The following NR3C2 variants were observed in gnomAD, a reference collection of about 807,000 sequenced individuals.
The protein encoded by NR3C2 is mineralocorticoid receptor.
A neutral mutation model predicts 86.4 loss-of-function variants in NR3C2; 15 were observed. The ratio of observed to expected loss-of-function variants is 0.17; its 90% CI spans 0.12 to 0.27. The LOEUF is 0.27. NR3C2 is among the 10% of genes least tolerant of loss of function. The pLI is 1.00. For missense variants in NR3C2, 960 were observed against 1,195.6 expected (o/e 0.80, Z 2.91); for synonymous variants, 458 against 450.5 (o/e 1.02, Z -0.21).
At chr4:148,246,492 A>C (rs1739319613) in intron 3 of NR3C2, among the ~76,000 whole-genome samples, 1 of 152,196 alleles carries the variant, frequency 6.6e-6, no homozygotes, top group Admixed American at 6.5e-5. Context: ...TCCAGTTAGC[A>C]ACTGAGGATC....
At chr4:148,135,442 T>C (rs79727402) in intron 6 of NR3C2, among the ~76,000 whole-genome samples, 13 of 152,270 alleles carry the variant, frequency 8.5e-5, no homozygotes, top group Non-Finnish European at 1.8e-4. Flanking sequence ...TGGAAGGAGA[T>C]GGCAGCCCTT....
chr4:148,380,038 G>T (rs1217904151), intron 2 of NR3C2, among the ~76,000 whole-genome samples: 1 of 152,130 alleles, frequency 6.6e-6, no homozygotes, highest in African/African-American at 2.4e-5. Context: ...AAATATAATG[G>T]CTGTAGTATT....
chr4:148,296,258 G>C (rs188542675), intron 2 of NR3C2, among the ~76,000 whole-genome samples: 6 of 151,462 alleles, frequency 4.0e-5, no homozygotes, highest in African/African-American at 1.5e-4. Flanking sequence ...TTACTTATCT[G>C]TGCTCCAGCA....
chr4:148,258,249 T>A (rs1739922798), intron 3 of NR3C2, among the ~76,000 whole-genome samples: 1 of 152,170 alleles, frequency 6.6e-6, no homozygotes, highest in Admixed American at 6.5e-5. Context: ...AAAGAGGAAT[T>A]CTTACATTGG....
intron 2 of NR3C2, among the ~76,000 whole-genome samples, chr4:148,417,329 C>T (rs145685626): frequency 3.2e-4 from 49 of 152,214 alleles, no homozygotes; most frequent in East Asian, 2.5e-3. Flanking sequence ...TTCCTTCTAC[C>T]GCTCTCTTCT....
upstream of NR3C2, chr4:148,444,755 GA>G: frequency 1.0e-6 from 1 of 985,064 alleles, no homozygotes. Context: ...CGCAGAGGGG[GA>G]CGCGGGCACC....
intron 6 of NR3C2, among the ~76,000 whole-genome samples, chr4:148,132,752 T>C (rs1733094690): frequency 6.6e-6 from 1 of 152,198 alleles, no homozygotes; most frequent in South Asian, 2.1e-4. Context: ...AGGATTTGAA[T>C]CCAGGCTGTC....
At position 148,083,857 on chromosome 4, in the gene NR3C2, C is replaced by G. The variant is rs1288580665; in HGVS notation, c.2800-2358G>C. Among the ~76,000 whole-genome samples the G allele has an allele frequency of 2.6e-5, 4 of 151,990 alleles. No individual in the cohort carries two copies. The East Asian group carries it at 7.7e-4, about 29-fold the overall frequency. ...CCTGATGGAGCTGAAAAACACAGCACAAGAACTTCGTGAAGCATACACAAT... is the reference window on the plus strand; with the variant it reads ...CCTGATGGAGCTGAAAAACACAGCAGAAGAACTTCGTGAAGCATACACAAT... On this transcript the variant is annotated intron_variant, in intron 8 of 8. Coordinates refer to ENST00000358102, the MANE Select transcript of NR3C2 (RefSeq NM_000901.5).
chr4:148,385,781 T>C (rs1014609107), intron 2 of NR3C2, among the ~76,000 whole-genome samples: 5 of 152,128 alleles, frequency 3.3e-5, no homozygotes, highest in Non-Finnish European at 7.4e-5. Context: ...CCTATGCTGC[T>C]CTCAGCCCCT....
intron 8 of NR3C2, among the ~76,000 whole-genome samples, chr4:148,102,954 CT>C (rs1315167207): frequency 6.6e-6 from 1 of 152,186 alleles, no homozygotes; most frequent in African/African-American, 2.4e-5. Context: ...CAACAGCTTC[CT>C]AGACCTGGCT....
intron 4 of NR3C2, among the ~76,000 whole-genome samples, chr4:148,182,013 GAAA>G (rs531333397): frequency 8.7e-4 from 132 of 152,068 alleles, no homozygotes; most frequent in Middle Eastern, 3.4e-3. Context: ...AATCAGATAG[GAAA>G]AAAATATTCT....
At chr4:148,275,913 T>C (rs1369257339) in intron 2 of NR3C2, among the ~76,000 whole-genome samples, 2 of 152,144 alleles carry the variant, frequency 1.3e-5, no homozygotes, top group Non-Finnish European at 2.9e-5. Flanking sequence ...ACTTAGGGTT[T>C]TTTTTAAAAC....
chr4:148,436,176 T>A lies in NR3C2; in HGVS notation c.685A>T (p.Ile229Phe). 1 of 1,614,166 alleles carries A rather than the reference T, an allele frequency of 6.2e-7. No homozygotes were observed. The change falls in exon 2 of 9, where the codon ATC becomes TTC. Residue 229 changes from isoleucine (I) to phenylalanine (F), a missense_variant. Physicochemically the swap from Ile to Phe is conservative, Grantham distance 21. Transcript: ENST00000358102. ...SFGSFPVHSP[I>F]TQGTPLTCSP... is the part of the protein sequence containing the mutation. ...CATGTCAGAGGAGTTCCCTGGGTGA[T>A]TGGGCTGTGCACTGGAAAACTGCCA...
chr4:148,113,044 T>A (rs1326989304), intron 8 of NR3C2, among the ~76,000 whole-genome samples: 1 of 152,224 alleles, frequency 6.6e-6, no homozygotes, highest in Non-Finnish European at 1.5e-5. Context: ...TGAGCCGGAA[T>A]TGGAGAAGCT....
chr4:148,081,884 G>A lies in NR3C2; in HGVS notation c.2800-385C>T, dbSNP rs75370451. The stretch of plus-strand genomic sequence containing the variant: ...AGGGGCCTTCCCAGGGTGTAAGGTG[G>A]GCTGGTGGGAAGGGGCAAGTGCTGG... On this transcript the variant is annotated intron_variant, in intron 8 of 8. Coordinates refer to ENST00000358102, the MANE Select transcript of NR3C2 (RefSeq NM_000901.5). Among the ~76,000 whole-genome samples, 5 of 152,294 alleles carry A rather than the reference G, an allele frequency of 3.3e-5. No homozygotes were observed. The East Asian group carries it at 9.7e-4, about 29-fold the overall frequency.
At chr4:148,283,124 T>C (rs767985262) in intron 2 of NR3C2, among the ~76,000 whole-genome samples, 4 of 152,124 alleles carry the variant, frequency 2.6e-5, no homozygotes, top group Non-Finnish European at 4.4e-5. Context: ...TCAGACTAAT[T>C]GGGTCATTTT....
intron 8 of NR3C2, among the ~76,000 whole-genome samples, chr4:148,096,518 G>A (rs2149713431): frequency 6.6e-6 from 1 of 152,246 alleles, no homozygotes; most frequent in East Asian, 1.9e-4. Flanking sequence ...GCAGCCTTAG[G>A]TAAGAACAGG....
At chr4:148,217,789 T>C (rs1737618122) in intron 3 of NR3C2, among the ~76,000 whole-genome samples, 1 of 152,172 alleles carries the variant, frequency 6.6e-6, no homozygotes, top group African/African-American at 2.4e-5. Context: ...AATCAAGTAC[T>C]CAAAAAGCCT....
intron 2 of NR3C2, among the ~76,000 whole-genome samples, chr4:148,285,596 AC>A (rs908837296): frequency 2.6e-5 from 4 of 152,096 alleles, no homozygotes; most frequent in African/African-American, 9.7e-5. Context: ...AGTCCCAGCT[AC>A]TCAGGAGGCT....
Sources: gnomAD v4.1 joint callset for allele counts (sites outside exome capture counted in the v4.1 genomes callset) on GRCh38, gnomAD v4.1.1 for gene constraint, MANE v1.5 for transcripts, NCBI Gene and HGNC (gene_info 2026-07-23, HGNC 2026-07-21) for gene names.